Variants in ABCA3 observed in about 807,000 individuals in gnomAD.
ABCA3 encodes phospholipid-transporting ATPase ABCA3.
Under a neutral mutation model 172.8 loss-of-function variants are expected in ABCA3, and 88 were observed. The observed-to-expected ratio is 0.51, with a 90% CI of 0.43 to 0.61. The LOEUF is 0.61. Among genes scored for constraint, ABCA3 ranks in the 20% least tolerant of loss-of-function variants. The pLI is 0.00. For synonymous variants in ABCA3, 1,066 were observed against 983.8 expected (o/e 1.08, Z -1.56); for missense variants, 2,164 against 2,301.0 (o/e 0.94, Z 1.22).
chr16:2,302,097 T>G (rs1391645291), intron 12 of ABCA3, among the ~76,000 whole-genome samples: 1 of 152,266 alleles, frequency 6.6e-6, no homozygotes, highest in Non-Finnish European at 1.5e-5. Flanking sequence ...GGGATACTTT[T>G]AGTTAATGGA....
chr16:2,320,140 C>T (rs1433442626), intron 7 of ABCA3, among the ~76,000 whole-genome samples: 6 of 152,076 alleles, frequency 3.9e-5, no homozygotes, highest in Non-Finnish European at 5.9e-5. Flanking sequence ...ACTCTGTCGC[C>T]CAGGCTGGAG....
chr16:2,307,610 A>T (rs1279135255), intron 11 of ABCA3, among the ~76,000 whole-genome samples: 1 of 151,934 alleles, frequency 6.6e-6, no homozygotes, highest in African/African-American at 2.4e-5. Context: ...CTGATGTAAT[A>T]ATTTTATTTT....
Position 2,281,407 on chromosome 16 carries a change from G to A in ABCA3, c.4138C>T (p.Pro1380Ser). ...TTGGAGAGCTCCTTGATAATCAGAGGTGTGTGGAGCAGGGAGTCCGGACTG... is the reference window on the plus strand; with the variant it reads ...TTGGAGAGCTCCTTGATAATCAGAGATGTGTGGAGCAGGGAGTCCGGACTG... ...APSPDSLLHT[P>S]LIIKELSKVY... is the part of the protein sequence containing the mutation. The change falls in exon 27 of 33, where the codon CCT becomes TCT. Residue 1380 changes from proline to serine, a missense_variant. Around this residue, in one of 3 missense-constraint regions of ABCA3, gnomAD observed 795 missense variants for 881.9 expected, o/e 0.90. Coordinates refer to ENST00000301732, the MANE Select transcript of ABCA3 (RefSeq NM_001089.3). This position sits in a 1 kb window ranked among gnomAD's most constrained non-coding sequence, Gnocchi z 4.7. The A allele has an allele frequency of 6.2e-7, 1 of 1,613,792 alleles. No homozygotes were observed. Among genetic ancestry groups the A allele is most frequent in the Non-Finnish European group, 8.5e-7 (1 of 1,180,004 alleles).
In ABCA3 at chr16:2,297,701, T is replaced by C. The variant is rs1036370503; in HGVS notation, c.2052+65A>G. ...GTCAAGGGCCAAGGTGCCCGGGCCA[T>C]GGCGGAAGGGCCATCCCAGGTCGAG... On this transcript the variant is annotated intron_variant, in intron 16 of 32. Transcript: ENST00000301732. The surrounding 1 kb of genome is among the most constrained non-coding windows in gnomAD (Gnocchi z 5.6). 2.5e-5 allele frequency: 40 copies of C among 1,601,352 alleles called. No individual in the cohort carries two copies. In the East Asian group the frequency reaches 8.0e-4, roughly 32 times the overall value.
Position 2,326,174 on chromosome 16 carries a change from G to A in ABCA3, c.155C>T (p.Pro52Leu), listed in dbSNP as rs761278645. Reference protein sequence around the residue: ...LRLKIQSENVPNATIYPGQSI... With the variant: ...LRLKIQSENVLNATIYPGQSI... Reference sequence around the variant, plus strand: ...CTGGCCCGGGTAGATGGTGGCGTTGGGCACATTTTCCGACTGAATCTTCAA... The same window carrying A: ...CTGGCCCGGGTAGATGGTGGCGTTGAGCACATTTTCCGACTGAATCTTCAA... The change falls in exon 5 of 33, where the codon CCC (proline) becomes CTC (leucine). Residue 52 changes from proline (P) to leucine (L), a missense_variant. Transcript: ENST00000301732. 3 of 1,614,158 alleles carry A rather than the reference G, an allele frequency of 1.9e-6. No individual in the cohort carries two copies. The highest frequency in any genetic ancestry group is 2.5e-6 in the Non-Finnish European group (3 of 1,180,038).
chr16:2,292,216 G>A lies in ABCA3; in HGVS notation c.2437C>T (p.Leu813=). 1.2e-6 allele frequency: 2 copies of A among 1,613,800 alleles called. No homozygotes were observed. The highest frequency in any genetic ancestry group is 1.7e-6 in the Non-Finnish European group (2 of 1,179,830). ...THRFEGLFAK[L]EKKQKELGIA... ...CCCAGCTCTTTCTGCTTCTTCTCCAGTTTAGCAAAGAGACCTTCAAACCTG... is the reference window on the plus strand; with the variant it reads ...CCCAGCTCTTTCTGCTTCTTCTCCAATTTAGCAAAGAGACCTTCAAACCTG... The change falls in exon 19 of 33, where the codon CTG becomes TTG. Residue 813 remains leucine (L), a synonymous_variant. Transcript: ENST00000301732.
At chr16:2,305,619 A>G (rs2093696464) in intron 11 of ABCA3, among the ~76,000 whole-genome samples, 1 of 152,046 alleles carries the variant, frequency 6.6e-6, no homozygotes, top group South Asian at 2.1e-4. Context: ...TAGTAGAGAC[A>G]GGGTTTCGCC....
chr16:2,295,568 G>C (rs752593941), intron 18 of ABCA3, 22 bp downstream of exon 18: 3 of 1,609,756 alleles, frequency 1.9e-6, no homozygotes, highest in Non-Finnish European at 2.5e-6. Context: ...ATACCTGTGC[G>C]TGCCCTCCCT....
chr16:2,291,151 A>C (rs998366537), intron 19 of ABCA3, among the ~76,000 whole-genome samples: 2 of 150,894 alleles, frequency 1.3e-5, no homozygotes, highest in Non-Finnish European at 3.0e-5. Context: ...GCATGGCAAA[A>C]CCCCATCTCT....
chr16:2,277,468 AGT>A lies in ABCA3; in HGVS notation c.4983+127_4983+128del. 1 of 943,598 alleles carries A rather than the reference AGT, an allele frequency of 1.1e-6. No individual in the cohort carries two copies. Among genetic ancestry groups the A allele is most frequent in the Non-Finnish European group, 1.7e-6 (1 of 601,432 alleles). 58.5% of individuals were successfully genotyped at this position (943,598 alleles called of 1,614,324 possible). ...CCCCAAACCAGCACGTATCAGGCTG[AGT>A]GTTAGGGGAGAAATGGAAAGTGACT... On this transcript the variant is annotated intron_variant, in intron 32 of 32. Coordinates refer to ENST00000301732, the MANE Select transcript of ABCA3 (RefSeq NM_001089.3). This position sits in a 1 kb window ranked among gnomAD's most constrained non-coding sequence, Gnocchi z 5.3.
rs2093678458 is a variant in ABCA3, at chr16:2,295,577, C to G, written c.2414+13G>C. The G allele has an allele frequency of 1.2e-6, 2 of 1,611,438 alleles. No homozygotes were observed. Among genetic ancestry groups the G allele is most frequent in the Non-Finnish European group, 1.7e-6 (2 of 1,179,990 alleles). ...GGATGTATACCTGTGCGTGCCCTCC[C>G]TGGGAGGCGTACCTGTGCGTGCTCT... On this transcript the variant is annotated intron_variant, in intron 18 of 32. Transcript: ENST00000301732.
Position 2,281,280 on chromosome 16 carries a change from C to G in ABCA3, c.4165-59G>C, listed in dbSNP as rs1193637516. ...AGGCCTGGACGCAAAGCAGAGCAGT[C>G]TGAGCCTCAGCGCCGAAAGCTTCCA... On this transcript the variant is annotated intron_variant, in intron 27 of 32. Transcript: ENST00000301732. The surrounding 1 kb of genome is among the most constrained non-coding windows in gnomAD (Gnocchi z 4.7). The G allele has an allele frequency of 6.2e-7, 1 of 1,613,016 alleles. No individual in the cohort carries two copies. The highest frequency in any genetic ancestry group is 1.3e-5 in the African/African-American group (1 of 74,912).
chr16:2,318,001 T>C (rs1166999050), intron 8 of ABCA3, among the ~76,000 whole-genome samples: 1 of 152,202 alleles, frequency 6.6e-6, no homozygotes, highest in Non-Finnish European at 1.5e-5. Flanking sequence ...CGGCCAGCCC[T>C]CCATTCTGTA....
rs2093665186 is a variant in ABCA3, at chr16:2,287,689, T to G, written c.3004+337A>C. 6.6e-6 allele frequency among the ~76,000 whole-genome samples: 1 copy of G among 152,174 alleles called. No homozygotes were observed. Among genetic ancestry groups the G allele is most frequent in the Non-Finnish European group, 1.5e-5 (1 of 68,034 alleles). On this transcript the variant is annotated intron_variant, in intron 21 of 32. Coordinates refer to ENST00000301732, the MANE Select transcript of ABCA3 (RefSeq NM_001089.3). This position sits in a 1 kb window ranked among gnomAD's most constrained non-coding sequence, Gnocchi z 4.1. ...ACTTGAAGTCACTATGCTTCTGCAT[T>G]TTGCCCATGAATGATCCTGAAAGAC...
intron 14 of ABCA3, 79 bp from the exon 15 acceptor site, chr16:2,298,619 T>A: frequency 6.5e-7 from 1 of 1,527,778 alleles, no homozygotes; most frequent in East Asian, 2.3e-5. Context: ...CCCCACCCCC[T>A]CTCTGTCTCC....
intron 11 of ABCA3, among the ~76,000 whole-genome samples, chr16:2,305,829 C>G (rs2093696832): frequency 6.6e-6 from 1 of 152,120 alleles, no homozygotes; most frequent in African/African-American, 2.4e-5. Context: ...CCTGCCTCGG[C>G]CATAAGTCTT....
rs1242535135 is a variant in ABCA3, at chr16:2,297,421, T to C, written c.2171A>G (p.Asp724Gly). ...RTIVLTTHFM[D>G]EADLLGDRIA... ...GCGGTCTCCCAGCAGGTCAGCCTCG[T>C]CCATGAAGTGGGTGGTCAGCACGAT... is the stretch of plus-strand genomic sequence containing the variant. Residue 724 changes from aspartate (D) to glycine (G), a missense_variant, in exon 17 of 33, where the codon GAC becomes GGC. Asp to Gly is a moderately conservative substitution (Grantham distance 94). This residue lies in a region of ABCA3 where 1,343 missense variants were observed against 1,369.6 expected (regional missense o/e 0.98). Coordinates refer to ENST00000301732, the MANE Select transcript of ABCA3 (RefSeq NM_001089.3). This position sits in a 1 kb window ranked among gnomAD's most constrained non-coding sequence, Gnocchi z 5.6. 1.2e-6 allele frequency: 2 copies of C among 1,613,704 alleles called. No homozygotes were observed. Among genetic ancestry groups the C allele is most frequent in the Admixed American group, 3.3e-5 (2 of 60,002 alleles).
intron 18 of ABCA3, among the ~76,000 whole-genome samples, chr16:2,294,272 C>T (rs546959021): frequency 6.6e-5 from 10 of 151,996 alleles, no homozygotes; most frequent in African/African-American, 2.2e-4. Flanking sequence ...ATGGTCCGCC[C>T]GCCTTGGCCT....
At position 2,287,374 on chromosome 16, in the gene ABCA3, G is replaced by A. The variant is rs2093664770; in HGVS notation, c.3005-407C>T. ...GGCTCACTGCAGCCTCCACCGCCCA[G>A]GTTCAAGCCATTCTCCTGCCTCAGC... On this transcript the variant is annotated intron_variant, in intron 21 of 32. Transcript: ENST00000301732. The surrounding 1 kb of genome is among the most constrained non-coding windows in gnomAD (Gnocchi z 4.1). Among the ~76,000 whole-genome samples the A allele has an allele frequency of 6.6e-6, 1 of 152,010 alleles. No individual in the cohort carries two copies. The highest frequency in any genetic ancestry group is 6.6e-5 in the Admixed American group (1 of 15,252).
Sources: gnomAD v4.1 joint callset for allele counts (sites outside exome capture counted in the v4.1 genomes callset) on GRCh38, gnomAD v4.1.1 for gene constraint, gnomAD v4.1.1 regional missense constraint, Gnocchi (gnomAD v3.1) non-coding constraint, MANE v1.5 for transcripts, NCBI Gene and HGNC (gene_info 2026-07-23, HGNC 2026-07-21) for gene names.